The following LRRC36 variants were observed in gnomAD, a reference collection of about 807,000 sequenced individuals.
LRRC36 encodes leucine-rich repeat-containing protein 36.
LRRC36 carries 62 observed loss-of-function variants against 81.1 expected under a neutral mutation model. The ratio of observed to expected loss-of-function variants is 0.76; its 90% CI spans 0.62 to 0.94. LRRC36 has a LOEUF of 0.94. Ranked by LOEUF, LRRC36 falls within the 40% of genes least tolerant of loss-of-function variation. The pLI is 0.00. For synonymous variants in LRRC36, 334 were observed against 348.6 expected (o/e 0.96, Z 0.47); for missense variants, 761 against 881.7 (o/e 0.86, Z 1.73).
intron 5 of LRRC36, 102 bp downstream of exon 5, chr16:67,350,392 C>A: frequency 4.3e-6 from 4 of 932,564 alleles, no homozygotes; most frequent in Non-Finnish European, 6.7e-6. Context: ...GAGAAAGAAC[C>A]AATTTGAAGC....
chr16:67,358,152 A>G (rs1253269491), intron 5 of LRRC36, among the ~76,000 whole-genome samples: 2 of 149,460 alleles, frequency 1.3e-5, no homozygotes, highest in Admixed American at 6.6e-5. Context: ...TAATAGTGGC[A>G]GAGCAAGGCA....
At chr16:67,362,379 T>C (rs958835902) in intron 5 of LRRC36, 1 of 320,606 alleles carries the variant, frequency 3.1e-6, no homozygotes, top group South Asian at 2.3e-5. Flanking sequence ...GCCAGGCTGG[T>C]CTCAAACTCC....
chr16:67,348,033 A>G (rs2038435725), intron 4 of LRRC36, among the ~76,000 whole-genome samples: 1 of 152,230 alleles, frequency 6.6e-6, no homozygotes. Context: ...CAAAAAGTGA[A>G]CAAACATTGA....
intron 8 of LRRC36, among the ~76,000 whole-genome samples, chr16:67,367,690 A>G (rs1189955257): frequency 6.6e-6 from 1 of 152,206 alleles, no homozygotes; most frequent in Non-Finnish European, 1.5e-5. Flanking sequence ...TTGCTATTTT[A>G]GTTAAGCAGC....
chr16:67,338,776 T>C (rs1160873950), intron 1 of LRRC36, among the ~76,000 whole-genome samples: 6 of 151,518 alleles, frequency 4.0e-5, no homozygotes, highest in Non-Finnish European at 7.4e-5. Context: ...TCAATGTCAT[T>C]TGAAAAACCT....
Position 67,347,601 on chromosome 16 carries a change from T to A in LRRC36, c.488+10T>A, listed in dbSNP as rs1466419015. ...TAGAGGTGGAAAAAAGGTAAGAAGA[T>A]TCTTTACAAAATTTTTAAAGTTTGG... is the stretch of plus-strand genomic sequence containing the variant. On this transcript the variant is annotated intron_variant, in intron 4 of 13. Transcript: ENST00000329956. The A allele has an allele frequency of 1.9e-6, 3 of 1,599,668 alleles. No individual in the cohort carries two copies. The African/African-American group carries it at 4.0e-5, about 21-fold the overall frequency.
chr16:67,333,557 C>T (rs974342933), intron 1 of LRRC36, among the ~76,000 whole-genome samples: 1 of 152,068 alleles, frequency 6.6e-6, no homozygotes, highest in African/African-American at 2.4e-5. Context: ...CCTCATTTCC[C>T]ACTACCCCTG....
Position 67,384,950 on chromosome 16 carries a change from C to T in LRRC36, c.2126C>T (p.Pro709Leu). The T allele has an allele frequency of 1.2e-6, 2 of 1,614,220 alleles. No individual in the cohort carries two copies. Among genetic ancestry groups the T allele is most frequent in the Non-Finnish European group, 1.7e-6 (2 of 1,180,038 alleles). ...PKGYSGKALL[P>L]PEKGHHLGRS... The stretch of plus-strand genomic sequence containing the variant: ...GGTTATTCCGGGAAAGCGCTCCTGC[C>T]TCCTGAGAAGGGTCATCATCTGGGG... Residue 709 changes from proline to leucine, a missense_variant, in exon 14 of 14, where the codon CCT (proline) becomes CTT (leucine). Transcript: ENST00000329956.
At chr16:67,382,860 G>A (rs1439721775) in intron 13 of LRRC36, among the ~76,000 whole-genome samples, 1 of 151,940 alleles carries the variant, frequency 6.6e-6, no homozygotes, top group African/African-American at 2.4e-5. Context: ...AAACAAGTGG[G>A]GCCTCACCTC....
intron 1 of LRRC36, among the ~76,000 whole-genome samples, chr16:67,329,303 G>T (rs1227808970): frequency 6.6e-6 from 1 of 151,878 alleles, no homozygotes; most frequent in Non-Finnish European, 1.5e-5. Context: ...GTTTTGTTTT[G>T]TTTTTGAGAT....
chr16:67,367,535 A>T, intron 8 of LRRC36, 78 bp downstream of exon 8: 1 of 1,296,982 alleles, frequency 7.7e-7, no homozygotes, highest in East Asian at 2.3e-5. Flanking sequence ...TTTGGAATTA[A>T]CCCTTCTGAA....
At chr16:67,369,305 A>T (rs1403875175) in intron 8 of LRRC36, among the ~76,000 whole-genome samples, 1 of 152,214 alleles carries the variant, frequency 6.6e-6, no homozygotes, top group Admixed American at 6.5e-5. Context: ...ATAGAGGGGA[A>T]AAAGCCAAGA....
chr16:67,371,676 G>C (rs2039647744), intron 9 of LRRC36: 1 of 219,522 alleles, frequency 4.6e-6, no homozygotes, highest in East Asian at 1.0e-4. Flanking sequence ...TTCAAGACCA[G>C]CCAGGCCAAC....
chr16:67,354,553 C>T (rs1407122170), intron 5 of LRRC36, among the ~76,000 whole-genome samples: 1 of 152,200 alleles, frequency 6.6e-6, no homozygotes, highest in East Asian at 1.9e-4. Flanking sequence ...GCTAGGATTA[C>T]AGATGTGAAA....
chr16:67,374,481 G>C (rs916208846), intron 9 of LRRC36, among the ~76,000 whole-genome samples: 4 of 151,918 alleles, frequency 2.6e-5, no homozygotes, highest in Admixed American at 6.6e-5. Flanking sequence ...TGCAACCTCT[G>C]CCTCCCGAGT....
Position 67,363,619 on chromosome 16 carries a change from C to A in LRRC36, c.607C>A (p.Pro203Thr). The A allele has an allele frequency of 6.2e-7, 1 of 1,613,930 alleles. No individual in the cohort carries two copies. Among genetic ancestry groups the A allele is most frequent in the South Asian group, 1.1e-5 (1 of 91,078 alleles). Residue 203 changes from proline to threonine, a missense_variant, in exon 6 of 14, where the codon CCC becomes ACC. Transcript: ENST00000329956. ...DSNKGLFIPFPNREIKDSLST... is the reference protein window; with the variant it reads ...DSNKGLFIPFTNREIKDSLST... ...AAACAAAGGACTTTTTATTCCCTTC[C>A]CCAACCGGGAAATAAAGGATTCCCT...
chr16:67,372,313 C>G (rs558193864), intron 9 of LRRC36, among the ~76,000 whole-genome samples: 1 of 151,354 alleles, frequency 6.6e-6, no homozygotes, highest in Non-Finnish European at 1.5e-5. Flanking sequence ...GCCGAGATCG[C>G]GCCATTGCAC....
intron 5 of LRRC36, among the ~76,000 whole-genome samples, chr16:67,359,649 A>G (rs1279851448): frequency 1.3e-5 from 2 of 152,232 alleles, no homozygotes; most frequent in African/African-American, 2.4e-5. Context: ...CAATTAAAAT[A>G]AAGCTTCTCC....
At chr16:67,342,148 A>T in intron 2 of LRRC36, 64 bp downstream of exon 2, 1 of 1,222,798 alleles carries the variant, frequency 8.2e-7, no homozygotes, top group Non-Finnish European at 1.1e-6. Context: ...GGAAGAAATA[A>T]GAGATAGATC....
Sources: gnomAD v4.1 joint callset for allele counts (sites outside exome capture counted in the v4.1 genomes callset) on GRCh38, gnomAD v4.1.1 for gene constraint, MANE v1.5 for transcripts, NCBI Gene and HGNC (gene_info 2026-07-23, HGNC 2026-07-21) for gene names.